The following ARPC1B variants were observed in gnomAD, a reference collection of about 807,000 sequenced individuals.
ARPC1B encodes the protein actin related protein 2/3 complex subunit 1B.
A neutral mutation model predicts 46.0 loss-of-function variants in ARPC1B; 29 were observed. That is an observed-to-expected ratio of 0.63 (90% CI 0.47 to 0.86). The LOEUF (loss-of-function observed/expected upper bound fraction) is 0.86. ARPC1B is among the 40% of genes least tolerant of loss of function. The pLI, the probability that ARPC1B is intolerant of heterozygous loss-of-function variation, is 0.00. For synonymous variants in ARPC1B, 201 were observed against 213.9 expected, an observed-to-expected ratio of 0.94 and a Z score of 0.53; for missense variants, 469 against 529.4, an observed-to-expected ratio of 0.89 and a Z score of 1.12.
intron 1 of ARPC1B, among the ~76,000 whole-genome samples, chr7:99,378,921 C>G (rs868857771): frequency 6.6e-6 from 1 of 151,246 alleles, no homozygotes; most frequent in Non-Finnish European, 1.5e-5. Flanking sequence ...GGACTACAGG[C>G]GCCCGCCACC....
chr7:99,391,686 C>T (rs1284614251), intron 7 of ARPC1B, among the ~76,000 whole-genome samples: 7 of 142,536 alleles, frequency 4.9e-5, no homozygotes, highest in African/African-American at 1.6e-4. Context: ...CATGGGAGGT[C>T]GAGGCTTCTG....
In ARPC1B at chr7:99,394,630, G is replaced by T. The variant is rs704798; in HGVS notation, c.*141G>T. 139,250 of 1,472,466 alleles carry T rather than the reference G, an allele frequency of 0.095. 17,835 individuals are homozygous for T. The highest frequency in any genetic ancestry group is 0.63 in the African/African-American group (44,263 of 70,264). The allele number at this position is 1,472,466 out of a possible 1,614,324, so 91.2% of individuals were successfully genotyped here. A position where few individuals can be genotyped will look rare whatever the true frequency, so the allele number is the denominator to read the frequency against. The stretch of plus-strand genomic sequence containing the variant: ...GGGCTGCTCCCTCAAAAAGGGAGGG[G>T]ACAGATGGGGAGCTTTTCTTACCTA... On this transcript the variant is annotated 3_prime_UTR_variant, in exon 10 of 10. Coordinates refer to ENST00000646101, the MANE Select transcript of ARPC1B (RefSeq NM_005720.4).
rs556592154 is a variant in ARPC1B at position 99,377,570 on chromosome 7, C to T, written c.-14+2789C>T. 2.6e-5 allele frequency: 4 copies of T among 152,092 alleles called. No homozygotes were observed. The South Asian group carries it at 6.2e-4, about 24-fold the overall frequency. 9.4% of individuals were successfully genotyped at this position (152,092 alleles called of 1,614,324 possible). Reference sequence around the variant, plus strand: ...TCAGGTGATCCGCCCACCTCGGCTTCCCAAAGTGCTAGGATTACAGGCGTG... The same window carrying T: ...TCAGGTGATCCGCCCACCTCGGCTTTCCAAAGTGCTAGGATTACAGGCGTG... On this transcript the variant is annotated intron_variant, in intron 1 of 9. Coordinates refer to ENST00000646101, the MANE Select transcript of ARPC1B (RefSeq NM_005720.4).
chr7:99,394,198 C>G, intron 9 of ARPC1B, 79 bp downstream of exon 9: 4 of 1,452,484 alleles, frequency 2.8e-6, no homozygotes, highest in Middle Eastern at 1.8e-4. Context: ...CTGGAGATGA[C>G]CCCCATCCTT....
chr7:99,382,404 A>C, intron 1 of ARPC1B, among the ~76,000 whole-genome samples: 1 of 143,260 alleles, frequency 7.0e-6, no homozygotes, highest in East Asian at 2.0e-4. Flanking sequence ...TTCATCTCGA[A>C]AAAAAAAAAA....
At chr7:99,389,843 T>G (rs1794510043) in intron 4 of ARPC1B, 62 bp from the exon 5 acceptor site, 2 of 1,395,844 alleles carry the variant, frequency 1.4e-6, no homozygotes. Context: ...TCCCTGGTGC[T>G]GAGGTCCATG....
chr7:99,375,675 C>T (rs11980999), intron 1 of ARPC1B, among the ~76,000 whole-genome samples: 17,218 of 152,228 alleles, frequency 0.11, 1,505 homozygotes, highest in African/African-American at 0.24. Flanking sequence ...AGAATCCTAG[C>T]ATTTTGAGAG....
rs73710448 is a variant in ARPC1B, at chr7:99,379,509, C to T, written c.-14+4728C>T. 9.5e-3 allele frequency among the ~76,000 whole-genome samples: 1,443 copies of T among 152,278 alleles called. 18 individuals are homozygous for T. The highest frequency in any genetic ancestry group is 0.033 in the African/African-American group (1,375 of 41,538). ...ATGCTGAGATCTTTCCTCCAGGCAA[C>T]TCCTCCTTGGTTTAGCCTCTGATAC... On this transcript the variant is annotated intron_variant, in intron 1 of 9. Coordinates refer to ENST00000646101, the MANE Select transcript of ARPC1B (RefSeq NM_005720.4).
intron 1 of ARPC1B, among the ~76,000 whole-genome samples, chr7:99,379,659 C>G (rs2150886863): frequency 6.6e-6 from 1 of 152,208 alleles, no homozygotes; most frequent in East Asian, 1.9e-4. Flanking sequence ...TGAGGGCACC[C>G]AGCCAGTATG....
intron 3 of ARPC1B, 140 bp from the exon 4 acceptor site, chr7:99,387,899 C>CAAAA: frequency 3.6e-6 from 2 of 549,490 alleles, no homozygotes; most frequent in Non-Finnish European, 6.5e-6. Flanking sequence ...GACTCTGTTT[C>CAAAA]AAAAAAAAAA....
At chr7:99,394,193 G>A in intron 9 of ARPC1B, 74 bp downstream of exon 9, 1 of 1,499,496 alleles carries the variant, frequency 6.7e-7, no homozygotes, top group Non-Finnish European at 9.2e-7. Flanking sequence ...ACTCCCTGGA[G>A]ATGACCCCCA....
At chr7:99,375,309 G>T (rs1794002158) in intron 1 of ARPC1B, among the ~76,000 whole-genome samples, 1 of 152,106 alleles carries the variant, frequency 6.6e-6, no homozygotes, top group African/African-American at 2.4e-5. Context: ...AAATGAGCTG[G>T]CGTCTCCTGC....
At chr7:99,380,317 G>C (rs1354621428) in intron 1 of ARPC1B, among the ~76,000 whole-genome samples, 2 of 152,078 alleles carry the variant, frequency 1.3e-5, no homozygotes, top group African/African-American at 4.8e-5. Context: ...GGTAAGATGT[G>C]GGGGTTGGGG....
chr7:99,385,311 G>C (rs1196592443), intron 1 of ARPC1B, among the ~76,000 whole-genome samples: 9 of 147,446 alleles, frequency 6.1e-5, no homozygotes, highest in African/African-American at 1.2e-4. Flanking sequence ...TGGGTGGGGG[G>C]GGGGGGGTCG....
chr7:99,379,226 G>C (rs1342820974), intron 1 of ARPC1B, among the ~76,000 whole-genome samples: 1 of 152,194 alleles, frequency 6.6e-6, no homozygotes, highest in Non-Finnish European at 1.5e-5. Flanking sequence ...ATTGAATTTT[G>C]TGTGTTTTTG....
In ARPC1B at chr7:99,388,276, A is replaced by C. The variant is rs1251583425; in HGVS notation, c.392+15A>C. On this transcript the variant is annotated intron_variant, in intron 4 of 9. Coordinates refer to ENST00000646101, the MANE Select transcript of ARPC1B (RefSeq NM_005720.4). The stretch of plus-strand genomic sequence containing the variant: ...GAGAATGACTGGTGGGTACCTAGGC[A>C]GGGCCAGAGTGGGCTGTTAGGGACC... 5.6e-6 allele frequency: 9 copies of C among 1,612,238 alleles called. No individual in the cohort carries two copies. Among genetic ancestry groups the C allele is most frequent in the East Asian group, 4.5e-5 (2 of 44,810 alleles).
chr7:99,382,706 T>C (rs1005322986), intron 1 of ARPC1B, among the ~76,000 whole-genome samples: 13 of 152,082 alleles, frequency 8.5e-5, no homozygotes, highest in Non-Finnish European at 1.8e-4. Context: ...ACTTCTGGCC[T>C]GAAGCAATCC....
At chr7:99,377,259 A>C (rs1335046080) in intron 1 of ARPC1B, 1 of 151,790 alleles carries the variant, frequency 6.6e-6, no homozygotes, top group Middle Eastern at 3.2e-3. Flanking sequence ...TTGGCCTCCC[A>C]AAGTGCTGGG....
upstream of ARPC1B, chr7:99,374,541 T>A (rs1793976407): frequency 6.6e-6 from 1 of 152,092 alleles, no homozygotes; most frequent in African/African-American, 2.4e-5. The surrounding 1 kb of genome is among the most constrained non-coding windows in gnomAD (Gnocchi z 5.0). Context: ...TGCGGACGGC[T>A]TCTGCGGACA....
Sources: allele counts gnomAD v4.1 joint callset (sites outside exome capture counted in the v4.1 genomes callset), GRCh38; gene constraint gnomAD v4.1.1; non-coding constraint Gnocchi (gnomAD v3.1); transcripts MANE v1.5; gene names NCBI Gene and HGNC (gene_info 2026-07-23, HGNC 2026-07-21).